SATB2: variants seen among roughly 807,000 people sequenced by gnomAD.
The protein encoded by SATB2 is DNA-binding protein SATB2.
SATB2 carries 1 observed loss-of-function variant against 73.4 expected under a neutral mutation model. That is an observed-to-expected ratio of 0.01 (90% confidence interval 0.00 to 0.06). SATB2 has a LOEUF of 0.06. Among genes scored for constraint, SATB2 ranks in the 10% least tolerant of loss-of-function variants. The pLI, the probability that SATB2 is intolerant of heterozygous loss-of-function variation, is 1.00. For missense variants in SATB2, 459 were observed against 945.8 expected (o/e 0.49, Z 6.75); for synonymous variants, 397 against 367.0 (o/e 1.08, Z -0.93).
chr2:199,385,403 G>A (rs1689902218), intron 3 of SATB2, among the ~76,000 whole-genome samples: 1 of 152,148 alleles, frequency 6.6e-6, no homozygotes, highest in Non-Finnish European at 1.5e-5. Context: ...CTTCCAAAGT[G>A]CTGAGATTAC....
chr2:199,430,018 A>T (rs1321500753), intron 3 of SATB2, among the ~76,000 whole-genome samples: 1 of 152,214 alleles, frequency 6.6e-6, no homozygotes, highest in African/African-American at 2.4e-5. Flanking sequence ...TAAATCAAAC[A>T]AGCACAGTGA....
intron 3 of SATB2, among the ~76,000 whole-genome samples, chr2:199,384,911 T>A (rs1689883189): frequency 6.6e-6 from 1 of 152,230 alleles, no homozygotes. Context: ...TATAGTCAGT[T>A]TATTTCAAAA....
chr2:199,455,740 T>G lies in SATB2; in HGVS notation c.169+129A>C. The stretch of plus-strand genomic sequence containing the variant: ...TTGCAGATGAGAGGCGACGGGGGCA[T>G]TATTTGGCAACCTGGAATTCACTTC... On this transcript the variant is annotated intron_variant, in intron 2 of 10. Transcript: ENST00000417098. The surrounding 1 kb of genome is among the most constrained non-coding windows in gnomAD (Gnocchi z 4.1). The G allele has an allele frequency of 9.4e-7, 1 of 1,066,790 alleles. No individual in the cohort carries two copies. Among genetic ancestry groups the G allele is most frequent in the Non-Finnish European group, 1.4e-6 (1 of 731,358 alleles). The allele number at this position is 1,066,790 out of a possible 1,614,324, so 66.1% of individuals were successfully genotyped here. A position where few individuals can be genotyped will look rare whatever the true frequency, so the allele number is the denominator to read the frequency against.
chr2:199,357,264 T>C (rs17251748), intron 6 of SATB2, among the ~76,000 whole-genome samples: 8,502 of 152,334 alleles, frequency 0.056, 281 homozygotes, highest in Middle Eastern at 0.13. Context: ...ATAAGTCATC[T>C]GAATGGTAAA....
chr2:199,433,162 G>A (rs573134036), intron 3 of SATB2, among the ~76,000 whole-genome samples, 176 bp downstream of exon 3: 50 of 152,326 alleles, frequency 3.3e-4, no homozygotes, highest in African/African-American at 1.2e-3. Flanking sequence ...CTGGTCAAAT[G>A]CTTCCCAAAA....
At chr2:199,376,602 A>G (rs1689612227) in intron 5 of SATB2, among the ~76,000 whole-genome samples, 1 of 152,306 alleles carries the variant, frequency 6.6e-6, no homozygotes, top group African/African-American at 2.4e-5. Flanking sequence ...AAATTCCTGC[A>G]TTATAGTAAC....
At chr2:199,341,906 G>T (rs1057297254) in intron 7 of SATB2, among the ~76,000 whole-genome samples, 2 of 152,128 alleles carry the variant, frequency 1.3e-5, no homozygotes, top group African/African-American at 4.8e-5. Context: ...GCAGGACAGG[G>T]AAGAGAAGAA....
chr2:199,339,923 A>C (rs1394790595), intron 7 of SATB2, among the ~76,000 whole-genome samples: 1 of 152,212 alleles, frequency 6.6e-6, no homozygotes, highest in African/African-American at 2.4e-5. Context: ...ATTGCTACAT[A>C]TCACTTCCTA....
chr2:199,379,657 T>G (rs1214794889), intron 5 of SATB2, among the ~76,000 whole-genome samples: 3 of 150,624 alleles, frequency 2.0e-5, no homozygotes, highest in African/African-American at 7.3e-5. Flanking sequence ...ACTGTATATG[T>G]AAAACGTCTA....
intron 3 of SATB2, among the ~76,000 whole-genome samples, chr2:199,416,183 G>A (rs1297643298): frequency 2.6e-5 from 4 of 152,170 alleles, no homozygotes; most frequent in Non-Finnish European, 5.9e-5. Flanking sequence ...TATACCAAAG[G>A]AGGTTATTTT....
intron 3 of SATB2, among the ~76,000 whole-genome samples, chr2:199,401,279 G>A (rs1574592059): frequency 6.6e-6 from 1 of 152,086 alleles, no homozygotes; most frequent in South Asian, 2.1e-4. Context: ...TGGGAACGGT[G>A]GCTCACACCT....
At chr2:199,278,252 T>A (rs1482716783) in intron 10 of SATB2, among the ~76,000 whole-genome samples, 1 of 152,138 alleles carries the variant, frequency 6.6e-6, no homozygotes, top group Non-Finnish European at 1.5e-5. Flanking sequence ...CAGGCAAGAA[T>A]ATACTTGGTA....
At chr2:199,386,695 AGC>A in intron 3 of SATB2, among the ~76,000 whole-genome samples, 1 of 2,048 alleles carries the variant, frequency 4.9e-4, no homozygotes, top group African/African-American at 7.8e-4. Context: ...CACGTGCGCA[AGC>A]GCGCGCGCGC....
intron 7 of SATB2, among the ~76,000 whole-genome samples, chr2:199,336,258 C>T (rs1443737133): frequency 6.6e-6 from 1 of 152,244 alleles, no homozygotes. Context: ...CCTTTGGAAA[C>T]GTTTTACTAG....
At chr2:199,384,303 G>A (rs1013380250) in intron 3 of SATB2, among the ~76,000 whole-genome samples, 1 of 152,238 alleles carries the variant, frequency 6.6e-6, no homozygotes, top group African/African-American at 2.4e-5. Flanking sequence ...AATGGGAAGT[G>A]TGTGCTTTTC....
chr2:199,299,265 A>C (rs1687212159), intron 10 of SATB2, among the ~76,000 whole-genome samples: 1 of 152,218 alleles, frequency 6.6e-6, no homozygotes, highest in African/African-American at 2.4e-5. Context: ...CCACTTGATC[A>C]TTAATCAACA....
chr2:199,295,026 A>C (rs1692987186), intron 10 of SATB2, among the ~76,000 whole-genome samples: 1 of 152,202 alleles, frequency 6.6e-6, no homozygotes, highest in Non-Finnish European at 1.5e-5. Context: ...AGGAAATCAC[A>C]AATTATGGAC....
chr2:199,300,051 A>G (rs1163383410), intron 10 of SATB2, among the ~76,000 whole-genome samples: 27 of 152,220 alleles, frequency 1.8e-4, no homozygotes, highest in Admixed American at 1.7e-3. Context: ...TGTCTTTCTC[A>G]TTGCTCTATG....
intron 9 of SATB2, among the ~76,000 whole-genome samples, chr2:199,309,874 T>G (rs1483199996): frequency 6.6e-6 from 1 of 152,194 alleles, no homozygotes. Context: ...AATGACTTTG[T>G]GAAAAATAAT....
Sources: gnomAD v4.1 joint callset for allele counts (sites outside exome capture counted in the v4.1 genomes callset) on GRCh38, gnomAD v4.1.1 for gene constraint, Gnocchi (gnomAD v3.1) non-coding constraint, MANE v1.5 for transcripts, NCBI Gene and HGNC (gene_info 2026-07-23, HGNC 2026-07-21) for gene names.